Variants in ELP4 observed in about 807,000 individuals in gnomAD.
ELP4 encodes elongator complex protein 4.
In ELP4, 51 loss-of-function variants were observed where a neutral mutation model predicts 48.9. The ratio of observed to expected loss-of-function variants is 1.04; its 90% confidence interval spans 0.83 to 1.32. ELP4 has a LOEUF of 1.32. ELP4 is among the 40% of genes most tolerant of loss of function. The pLI is 0.00. For missense variants in ELP4, 519 were observed against 514.6 expected, an observed-to-expected ratio of 1.01 and a Z score of -0.08; for synonymous variants, 210 against 189.2, an observed-to-expected ratio of 1.11 and a Z score of -0.90.
chr11:31,626,598 A>G (rs1451929495), intron 5 of ELP4, among the ~76,000 whole-genome samples: 1 of 151,826 alleles, frequency 6.6e-6, no homozygotes, highest in Non-Finnish European at 1.5e-5. Context: ...TGAAAATCAT[A>G]CTCACTTTTC....
chr11:31,574,792 A>G (rs1023129050), intron 3 of ELP4, among the ~76,000 whole-genome samples: 2 of 152,242 alleles, frequency 1.3e-5, no homozygotes, highest in Non-Finnish European at 2.9e-5. Flanking sequence ...CGTCACCATC[A>G]TCAAAGACCA....
intron 9 of ELP4, among the ~76,000 whole-genome samples, chr11:31,692,356 T>C (rs1946298056): frequency 6.6e-6 from 1 of 152,190 alleles, no homozygotes; most frequent in Non-Finnish European, 1.5e-5. Context: ...GGTCAGTAAG[T>C]GCTATGATCT....
At chr11:31,682,642 G>A (rs1946077453) in intron 9 of ELP4, among the ~76,000 whole-genome samples, 1 of 152,108 alleles carries the variant, frequency 6.6e-6, no homozygotes, top group Non-Finnish European at 1.5e-5. Flanking sequence ...CGGGCCTTTT[G>A]TGAATATACA....
chr11:31,610,515 C>T (rs1957959100), intron 5 of ELP4, among the ~76,000 whole-genome samples: 1 of 152,102 alleles, frequency 6.6e-6, no homozygotes, highest in Non-Finnish European at 1.5e-5. Flanking sequence ...TGCCTCCCTT[C>T]CCCCCTCCGT....
chr11:31,702,478 C>T (rs559627426), intron 9 of ELP4, among the ~76,000 whole-genome samples: 54 of 152,044 alleles, frequency 3.6e-4, no homozygotes, highest in Non-Finnish European at 7.4e-4. Flanking sequence ...TGCATAACAA[C>T]ATACAACTTT....
intron 2 of ELP4, among the ~76,000 whole-genome samples, chr11:31,521,121 T>TA (rs1489059534): frequency 6.6e-6 from 1 of 152,058 alleles, no homozygotes; most frequent in African/African-American, 2.4e-5. Context: ...TGGTGATGCT[T>TA]AAAATTTGGC....
At chr11:31,738,232 CAAAAAAAAAAAAA>C (rs57817538) in intron 9 of ELP4, among the ~76,000 whole-genome samples, 2 of 53,734 alleles carry the variant, frequency 3.7e-5, no homozygotes, top group Non-Finnish European at 7.3e-5. Context: ...CCATCTCTAC[CAAAAAAAAAAAAA>C]AAAAAAAAAA....
chr11:31,730,784 G>C (rs1369408035), intron 9 of ELP4, among the ~76,000 whole-genome samples: 2 of 152,060 alleles, frequency 1.3e-5, no homozygotes, highest in African/African-American at 4.8e-5. Flanking sequence ...CAACATTCTA[G>C]CATTTTAGGG....
chr11:31,789,897 A>G lies in ELP4; in HGVS notation c.*6373A>G, dbSNP rs1399262772. 1.9e-6 allele frequency: 3 copies of G among 1,544,326 alleles called. No homozygotes were observed. The highest frequency in any genetic ancestry group is 2.7e-6 in the Non-Finnish European group (3 of 1,131,142). On this transcript the variant is annotated 3_prime_UTR_variant, in exon 10 of 10. Coordinates refer to ENST00000640961, the MANE Select transcript of ELP4 (RefSeq NM_019040.5). ...CCCCATAGTCACTGACTGAATTAAC[A>G]CAATATTTCCTTTCCTTTTTTTTTT...
intron 3 of ELP4, among the ~76,000 whole-genome samples, chr11:31,569,064 G>A (rs1400084043): frequency 2.0e-5 from 3 of 150,348 alleles, no homozygotes; most frequent in East Asian, 2.0e-4. Context: ...CAGCCTGGGC[G>A]ACAGAGTGAG....
chr11:31,696,925 G>T (rs1010158661), intron 9 of ELP4, among the ~76,000 whole-genome samples: 1 of 152,092 alleles, frequency 6.6e-6, no homozygotes, highest in African/African-American at 2.4e-5. Flanking sequence ...CATCTCACGT[G>T]CAGAGACACA....
At chr11:31,566,451 A>G (rs978259227) in intron 3 of ELP4, among the ~76,000 whole-genome samples, 10 of 152,138 alleles carry the variant, frequency 6.6e-5, no homozygotes, top group African/African-American at 2.4e-4. Flanking sequence ...ATTTGTATGG[A>G]CCACATTTTT....
chr11:31,683,604 A>T (rs1946100292), intron 9 of ELP4, among the ~76,000 whole-genome samples: 1 of 152,192 alleles, frequency 6.6e-6, no homozygotes, highest in Non-Finnish European at 1.5e-5. Context: ...GCATTTTAAG[A>T]TTAATGTTCT....
chr11:31,523,540 A>G (rs1956249608), intron 2 of ELP4, among the ~76,000 whole-genome samples: 1 of 152,150 alleles, frequency 6.6e-6, no homozygotes, highest in Non-Finnish European at 1.5e-5. Flanking sequence ...TAACTATGGA[A>G]ACTAGAGCTA....
At chr11:31,671,260 A>C (rs1188186478) in intron 9 of ELP4, among the ~76,000 whole-genome samples, 1 of 152,184 alleles carries the variant, frequency 6.6e-6, no homozygotes, top group African/African-American at 2.4e-5. Flanking sequence ...GACCAAAAAA[A>C]TTGTTAAATT....
intron 9 of ELP4, chr11:31,687,520 A>G (rs542084116): frequency 1.3e-5 from 2 of 152,224 alleles, no homozygotes; most frequent in African/African-American, 2.4e-5. Context: ...TTGACCAAGA[A>G]GTTTCAGGGG....
chr11:31,673,751 A>G (rs1222665886), intron 9 of ELP4, among the ~76,000 whole-genome samples: 5 of 152,246 alleles, frequency 3.3e-5, no homozygotes, highest in Non-Finnish European at 7.3e-5. Context: ...TGCTATAGAT[A>G]TGAATTATTT....
intron 9 of ELP4, chr11:31,681,963 A>T: frequency 1.4e-6 from 1 of 739,786 alleles, no homozygotes; most frequent in Non-Finnish European, 2.0e-6. Context: ...CTGGTCTCGA[A>T]CTCCTGACCT....
At chr11:31,577,742 C>A (rs1957311317) in intron 3 of ELP4, among the ~76,000 whole-genome samples, 1 of 152,176 alleles carries the variant, frequency 6.6e-6, no homozygotes, top group Non-Finnish European at 1.5e-5. Context: ...AAAAATTCAA[C>A]AGCTGTTCAT....
Sources: allele counts gnomAD v4.1 joint callset (sites outside exome capture counted in the v4.1 genomes callset), GRCh38; gene constraint gnomAD v4.1.1; transcripts MANE v1.5; gene names NCBI Gene and HGNC (gene_info 2026-07-23, HGNC 2026-07-21).